NPAS3: variants seen among roughly 807,000 people sequenced by gnomAD.
NPAS3 encodes neuronal PAS domain protein 3, also known as neuronal PAS domain-containing protein 3.
Under a neutral mutation model 73.1 loss-of-function variants are expected in NPAS3, and 14 were observed. The observed-to-expected ratio is 0.19, with a 90% CI of 0.13 to 0.30. The LOEUF (loss-of-function observed/expected upper bound fraction) is 0.30, where lower values mean the gene tolerates loss of function less well. NPAS3 is among the 10% of genes least tolerant of loss of function. NPAS3 has a pLI of 1.00. For missense variants in NPAS3, 1,096 were observed against 1,250.0 expected (o/e 0.88, Z 1.86); for synonymous variants, 620 against 541.5 (o/e 1.14, Z -2.01).
intron 4 of NPAS3, among the ~76,000 whole-genome samples, chr14:33,442,157 C>T (rs1174970704): frequency 6.6e-6 from 1 of 152,158 alleles, no homozygotes; most frequent in East Asian, 1.9e-4. Context: ...AGGACTAAAT[C>T]CTTGATCTAA....
At chr14:33,176,094 T>G (rs1001880315) in intron 2 of NPAS3, among the ~76,000 whole-genome samples, 1 of 152,214 alleles carries the variant, frequency 6.6e-6, no homozygotes, top group Non-Finnish European at 1.5e-5. Context: ...TCTAGAAATA[T>G]ATAAACATAG....
intron 2 of NPAS3, among the ~76,000 whole-genome samples, chr14:33,148,808 G>A (rs777817067): frequency 1.2e-4 from 18 of 151,880 alleles, no homozygotes; most frequent in African/African-American, 4.4e-4. Context: ...CCACCTCAGC[G>A]TCCCAAGTAG....
intron 3 of NPAS3, among the ~76,000 whole-genome samples, chr14:33,357,614 T>A (rs1487661912): frequency 2.0e-5 from 3 of 152,260 alleles, no homozygotes; most frequent in African/African-American, 7.2e-5. Flanking sequence ...AGCTGACATG[T>A]GCTTAGCGCC....
At chr14:33,782,736 A>G (rs1039877302) in intron 9 of NPAS3, among the ~76,000 whole-genome samples, 10 of 152,116 alleles carry the variant, frequency 6.6e-5, no homozygotes, top group African/African-American at 2.4e-4. Context: ...GTTATTTCAG[A>G]AAGACAGAAG....
At chr14:33,078,089 A>C (rs1453892392) in intron 2 of NPAS3, among the ~76,000 whole-genome samples, 1 of 152,026 alleles carries the variant, frequency 6.6e-6, no homozygotes, top group Non-Finnish European at 1.5e-5. Context: ...CAGTAAGCTG[A>C]GATCGCGCCA....
intron 4 of NPAS3, among the ~76,000 whole-genome samples, chr14:33,441,337 T>C (rs977131212): frequency 2.7e-4 from 41 of 152,320 alleles, no homozygotes; most frequent in Middle Eastern, 3.4e-3. Context: ...CCAAACGTTT[T>C]AGTCAATAAT....
intron 1 of NPAS3, among the ~76,000 whole-genome samples, chr14:32,987,726 T>C (rs1440182747): frequency 6.6e-6 from 1 of 152,216 alleles, no homozygotes; most frequent in Non-Finnish European, 1.5e-5. Flanking sequence ...ACCAAATCTT[T>C]GCTTTTATTT....
intron 1 of NPAS3, among the ~76,000 whole-genome samples, chr14:33,021,341 G>C (rs957785514): frequency 6.6e-6 from 1 of 152,178 alleles, no homozygotes; most frequent in African/African-American, 2.4e-5. Context: ...AGGAAATTGA[G>C]ACACAGAGGG....
At chr14:33,584,385 T>C (rs1734540927) in intron 5 of NPAS3, among the ~76,000 whole-genome samples, 2 of 134,782 alleles carry the variant, frequency 1.5e-5, no homozygotes, top group African/African-American at 5.9e-5. Flanking sequence ...ATGCTATTCA[T>C]AGATGGATGT....
At chr14:33,672,518 A>G (rs1226126567) in intron 5 of NPAS3, among the ~76,000 whole-genome samples, 1 of 152,190 alleles carries the variant, frequency 6.6e-6, no homozygotes, top group Non-Finnish European at 1.5e-5. Context: ...ATTTAAAGGT[A>G]CCTAATTAGC....
At chr14:33,030,285 G>A (rs1270459275) in intron 1 of NPAS3, among the ~76,000 whole-genome samples, 1 of 152,112 alleles carries the variant, frequency 6.6e-6, no homozygotes, top group Non-Finnish European at 1.5e-5. Flanking sequence ...AGTGATTGCC[G>A]AAATGGTAAA....
chr14:32,947,495 A>C (rs1472147151), intron 1 of NPAS3, among the ~76,000 whole-genome samples: 3 of 152,136 alleles, frequency 2.0e-5, no homozygotes, highest in Non-Finnish European at 4.4e-5. Context: ...ACTTCTAAAA[A>C]CATATATATT....
chr14:33,474,153 G>A (rs1327979832), intron 4 of NPAS3, among the ~76,000 whole-genome samples: 1 of 152,106 alleles, frequency 6.6e-6, no homozygotes, highest in East Asian at 1.9e-4. Flanking sequence ...ACAGAGTCAA[G>A]CTTGAACTTT....
intron 7 of NPAS3, among the ~76,000 whole-genome samples, chr14:33,756,231 T>C (rs1241399201): frequency 6.6e-6 from 1 of 152,208 alleles, no homozygotes; most frequent in African/African-American, 2.4e-5. Context: ...CATAAGTTTC[T>C]TGAGGGAGAA....
At chr14:33,791,188 T>C (rs1323523396) in intron 9 of NPAS3, among the ~76,000 whole-genome samples, 1 of 152,186 alleles carries the variant, frequency 6.6e-6, no homozygotes, top group Non-Finnish European at 1.5e-5. Context: ...CCGCCCACGG[T>C]GGGCTCCCGA....
chr14:33,371,022 G>A (rs1172293993), intron 4 of NPAS3, among the ~76,000 whole-genome samples: 3 of 152,136 alleles, frequency 2.0e-5, no homozygotes, highest in Non-Finnish European at 4.4e-5. Flanking sequence ...AATTAAGAAT[G>A]GGTTACAGCC....
chr14:32,964,087 G>A (rs945044583), intron 1 of NPAS3, among the ~76,000 whole-genome samples: 50 of 131,396 alleles, frequency 3.8e-4, no homozygotes, highest in African/African-American at 1.3e-3. Flanking sequence ...CAAAATGACC[G>A]ATAATATCCA....
intron 2 of NPAS3, among the ~76,000 whole-genome samples, chr14:33,143,694 C>T (rs1478804700): frequency 1.3e-5 from 2 of 152,082 alleles, no homozygotes; most frequent in Non-Finnish European, 2.9e-5. Context: ...AAAAATGAAA[C>T]CTCATACCCA....
intron 1 of NPAS3, among the ~76,000 whole-genome samples, chr14:32,942,174 AT>A (rs1324234743): frequency 6.6e-6 from 1 of 152,232 alleles, no homozygotes; most frequent in Non-Finnish European, 1.5e-5. Flanking sequence ...ATTTAAAAAA[AT>A]GTTTTCAAAA....
Sources: allele counts gnomAD v4.1 joint callset (sites outside exome capture counted in the v4.1 genomes callset), GRCh38; gene constraint gnomAD v4.1.1; transcripts MANE v1.5; gene names NCBI Gene and HGNC (gene_info 2026-07-23, HGNC 2026-07-21).